UNC13C: variants seen among roughly 807,000 people sequenced by gnomAD.
UNC13C encodes unc-13 homolog C.
In UNC13C, 174 loss-of-function variants were observed where a neutral mutation model predicts 245.4. That is an observed-to-expected ratio of 0.71 (90% CI 0.63 to 0.80). The LOEUF is 0.80. Among genes scored for constraint, UNC13C ranks in the 30% least tolerant of loss-of-function variants. The pLI is 0.00. For synonymous variants in UNC13C, 992 were observed against 895.1 expected, an observed-to-expected ratio of 1.11 and a Z score of -1.93; for missense variants, 2,829 against 2,602.9, an observed-to-expected ratio of 1.09 and a Z score of -1.89.
intron 17 of UNC13C, among the ~76,000 whole-genome samples, chr15:54,347,582 C>T (rs1356829480): frequency 2.6e-5 from 4 of 152,032 alleles, no homozygotes; most frequent in Admixed American, 1.3e-4. Context: ...CAGGAACAAA[C>T]GAAAGTTCTT....
chr15:54,383,917 G>A (rs1402552555), intron 17 of UNC13C, among the ~76,000 whole-genome samples: 1 of 151,764 alleles, frequency 6.6e-6, no homozygotes, highest in East Asian at 1.9e-4. Flanking sequence ...ATTTTCAATA[G>A]CTGCAAAAAA....
In UNC13C at chr15:54,535,469, G is replaced by T. The variant is rs117466309; in HGVS notation, c.5696+2403G>T. On this transcript the variant is annotated intron_variant, in intron 26 of 32. Coordinates refer to ENST00000260323, the MANE Select transcript of UNC13C (RefSeq NM_001080534.3). ...GCAGAAAACTAACAAAGATATTCAG[G>T]ACCTAAACTCTACACTTGACCAAAA... 9.6e-3 allele frequency among the ~76,000 whole-genome samples: 1,462 copies of T among 151,700 alleles called. 12 individuals are homozygous for T. Among genetic ancestry groups the T allele is most frequent in the Non-Finnish European group, 0.017 (1,159 of 67,878 alleles).
chr15:53,884,834 T>A, the UNC13C span, among the ~76,000 whole-genome samples: 1 of 152,164 alleles, frequency 6.6e-6, no homozygotes, highest in Non-Finnish European at 1.5e-5. Context: ...TTACTCCTAC[T>A]GCTGCTACTT....
At chr15:53,901,926 A>G in the UNC13C span, among the ~76,000 whole-genome samples, 3 of 152,114 alleles carry the variant, frequency 2.0e-5, no homozygotes, top group Non-Finnish European at 4.4e-5. Context: ...TATGGTGAAA[A>G]TTGAGGATTC....
intron 17 of UNC13C, among the ~76,000 whole-genome samples, chr15:54,357,613 A>C (rs1270297629): frequency 1.3e-5 from 2 of 152,100 alleles, no homozygotes; most frequent in East Asian, 3.8e-4. Context: ...GCGTATATTA[A>C]AAAATAACTT....
intron 2 of UNC13C, among the ~76,000 whole-genome samples, chr15:54,029,242 C>G (rs1450528638): frequency 6.6e-6 from 1 of 152,186 alleles, no homozygotes; most frequent in Non-Finnish European, 1.5e-5. Context: ...TGCCTGTACT[C>G]TCTGGCTTTT....
upstream of UNC13C, among the ~76,000 whole-genome samples, chr15:53,973,775 G>A (rs573800305): frequency 7.9e-5 from 12 of 152,172 alleles, no homozygotes; most frequent in South Asian, 2.1e-4. Context: ...TATAGATGCC[G>A]TCCCACCAAA....
chr15:53,878,394 A>G, the UNC13C span, among the ~76,000 whole-genome samples: 1 of 152,198 alleles, frequency 6.6e-6, no homozygotes, highest in Admixed American at 6.5e-5. Flanking sequence ...CAGAATTTCT[A>G]GGTGCCAGAT....
intron 2 of UNC13C, among the ~76,000 whole-genome samples, chr15:54,061,901 T>C (rs1310483670): frequency 6.6e-6 from 1 of 152,110 alleles, no homozygotes; most frequent in African/African-American, 2.4e-5. Context: ...TCATGGATGT[T>C]TGTAAATTTA....
At chr15:54,589,450 C>A (rs890055435) in intron 30 of UNC13C, among the ~76,000 whole-genome samples, 4 of 151,766 alleles carry the variant, frequency 2.6e-5, no homozygotes, top group South Asian at 2.1e-4. Context: ...AGGCACATGC[C>A]ACCATGCCCA....
chr15:54,369,316 C>G (rs2039437185), intron 17 of UNC13C, among the ~76,000 whole-genome samples: 1 of 152,058 alleles, frequency 6.6e-6, no homozygotes, highest in Admixed American at 6.6e-5. Context: ...GACTTTCTCC[C>G]ACAACAAAAG....
intron 1 of UNC13C, among the ~76,000 whole-genome samples, chr15:54,001,558 A>T (rs1894888429): frequency 6.6e-6 from 1 of 152,196 alleles, no homozygotes; most frequent in South Asian, 2.1e-4. Context: ...GCTGACCTGC[A>T]GTCAGTAAAC....
At chr15:54,589,851 T>A (rs1195454900) in intron 30 of UNC13C, among the ~76,000 whole-genome samples, 1 of 152,078 alleles carries the variant, frequency 6.6e-6, no homozygotes, top group African/African-American at 2.4e-5. Flanking sequence ...TGCTTTTGAG[T>A]TTTTAGTCAT....
chr15:54,107,689 G>C (rs1265770228), intron 2 of UNC13C, among the ~76,000 whole-genome samples: 1 of 152,190 alleles, frequency 6.6e-6, no homozygotes, highest in African/African-American at 2.4e-5. Context: ...AATTATTATT[G>C]TGATATGTAA....
At chr15:54,162,027 G>T (rs1321048562) in intron 4 of UNC13C, among the ~76,000 whole-genome samples, 2 of 152,158 alleles carry the variant, frequency 1.3e-5, no homozygotes, top group African/African-American at 4.8e-5. Context: ...ACAAATTTAT[G>T]TTGGTCATCC....
chr15:54,522,761 T>C (rs1271628421), intron 24 of UNC13C, among the ~76,000 whole-genome samples: 1 of 152,214 alleles, frequency 6.6e-6, no homozygotes, highest in Non-Finnish European at 1.5e-5. Flanking sequence ...TCCTTAAATT[T>C]TCATTGTGTA....
the UNC13C span, among the ~76,000 whole-genome samples, chr15:53,892,546 C>G: frequency 6.6e-6 from 1 of 152,076 alleles, no homozygotes; most frequent in African/African-American, 2.4e-5. Flanking sequence ...TCACATAGTC[C>G]CATGTTTCTT....
At chr15:53,928,688 T>C in the UNC13C span, among the ~76,000 whole-genome samples, 2 of 152,222 alleles carry the variant, frequency 1.3e-5, no homozygotes, top group Non-Finnish European at 2.9e-5. Context: ...GTTCTTGCAG[T>C]TGGGATTAAT....
At chr15:53,947,318 ATAG>A in the UNC13C span, among the ~76,000 whole-genome samples, 1 of 152,238 alleles carries the variant, frequency 6.6e-6, no homozygotes, top group Non-Finnish European at 1.5e-5. Flanking sequence ...TATTTAGAGC[ATAG>A]TATAATGTGG....
Sources: allele counts gnomAD v4.1 joint callset (sites outside exome capture counted in the v4.1 genomes callset), GRCh38; gene constraint gnomAD v4.1.1; transcripts MANE v1.5; gene names NCBI Gene and HGNC (gene_info 2026-07-23, HGNC 2026-07-21).